Variants in POLRMT observed in about 807,000 individuals in gnomAD.
POLRMT encodes RNA polymerase mitochondrial.
POLRMT carries 114 observed loss-of-function variants against 132.2 expected under a neutral mutation model. The ratio of observed to expected loss-of-function variants is 0.86; its 90% CI spans 0.74 to 1.01. The LOEUF (loss-of-function observed/expected upper bound fraction) is 1.01, where lower values mean the gene tolerates loss of function less well. Among genes scored for constraint, POLRMT ranks in the 50% least tolerant of loss-of-function variants. The probability of loss-of-function intolerance (pLI) is 0.00; values close to 1 mark genes in which losing one functional copy is unlikely to be tolerated. For missense variants in POLRMT, 2,003 were observed against 1,729.1 expected (o/e 1.16, Z -2.81); for synonymous variants, 1,020 against 773.4 (o/e 1.32, Z -5.29).
Position 618,147 on chromosome 19 carries a change from C to G in POLRMT, c.3423-298G>C, listed in dbSNP as rs559017546. The G allele has an allele frequency of 1.2e-5, 7 of 565,056 alleles. No individual in the cohort carries two copies. The South Asian group carries it at 1.3e-4, about 10-fold the overall frequency. 35.0% of individuals were successfully genotyped at this position (565,056 alleles called of 1,614,324 possible). ...TCCCCTCCTGCCAGGGCCACCACCC[C>G]GCATCCTGAGCATTCCCAGCTCCCG... On this transcript the variant is annotated intron_variant, in intron 17 of 20. Coordinates refer to ENST00000588649, the MANE Select transcript of POLRMT (RefSeq NM_005035.4).
chr19:621,307 C>A lies in POLRMT; in HGVS notation c.2391G>T (p.Pro797=). Residue 797 remains proline, a synonymous_variant, in exon 10 of 21, where the codon CCG becomes CCT. Transcript: ENST00000588649. Reference sequence around the variant, plus strand: ...TGCGGCCGCGGAAGTCCATGTTGTGCGGCAGCCAGAAGACGCGGTCCCGCA... The same window carrying A: ...TGCGGCCGCGGAAGTCCATGTTGTGAGGCAGCCAGAAGACGCGGTCCCGCA... The part of the protein sequence containing the change: ...QHLRDRVFWL[P]HNMDFRGRTY... 6.3e-7 allele frequency: 1 copy of A among 1,599,954 alleles called. No homozygotes were observed. The highest frequency in any genetic ancestry group is 8.5e-7 in the Non-Finnish European group (1 of 1,177,052).
rs139012201 is a variant in POLRMT at position 631,632 on chromosome 19, C to T, written c.193+1202G>A. Among the ~76,000 whole-genome samples, 84 of 151,840 alleles carry T rather than the reference C, an allele frequency of 5.5e-4. No homozygotes were observed. The East Asian group carries it at 8.7e-3, about 16-fold the overall frequency. On this transcript the variant is annotated intron_variant, in intron 2 of 20. Transcript: ENST00000588649. ...CCAGCCTAGCAACAGATTGAGAATC[C>T]GTCTCAAGAAAAAAAAAATTGCTGA...
At position 619,849 on chromosome 19, in the gene POLRMT, G is replaced by A. The variant is rs555462288; in HGVS notation, c.2887-84C>T. 1,694 of 1,560,882 alleles carry A rather than the reference G, an allele frequency of 1.1e-3. 18 individuals are homozygous for A. The African/African-American group carries it at 0.02, about 18-fold the overall frequency. ...AAGCACCCATGAAGCCCCCGCCCCAGCCCCACCACATCCTCAGGACAGGCC... is the reference window on the plus strand; with the variant it reads ...AAGCACCCATGAAGCCCCCGCCCCAACCCCACCACATCCTCAGGACAGGCC... On this transcript the variant is annotated intron_variant, in intron 12 of 20. Transcript: ENST00000588649.
chr19:632,777 TC>T, intron 2 of POLRMT, 56 bp downstream of exon 2: 1 of 1,419,404 alleles, frequency 7.0e-7, no homozygotes. Context: ...TTGCCTTTTC[TC>T]CCGGCAGCAG....
intron 17 of POLRMT, chr19:618,284 G>A (rs936018660): frequency 2.3e-5 from 13 of 574,376 alleles, no homozygotes; most frequent in Non-Finnish European, 3.4e-5. Context: ...GGCTCTCCCT[G>A]TCGGGCCACA....
chr19:621,657 G>A lies in POLRMT; in HGVS notation c.2041C>T (p.Gln681Ter), dbSNP rs776192083. 56 of 1,540,882 alleles carry A rather than the reference G, an allele frequency of 3.6e-5. No homozygotes were observed. In the Admixed American group the frequency reaches 9.6e-4, roughly 26 times the overall value. The part of the protein sequence containing the change: ...MRTVEGATQH[Q>*]ELLETCPPTA... ...GGCGGGCAGGTTTCCAGCAGCTCCTGGTGCTGCGTGGCGCCTTCCACCGTG... is the reference window on the plus strand; with the variant it reads ...GGCGGGCAGGTTTCCAGCAGCTCCTAGTGCTGCGTGGCGCCTTCCACCGTG... The change falls in exon 10 of 21, where the codon CAG (glutamine) becomes TAG (stop). Residue 681 changes from glutamine to a stop codon, truncating the protein, a stop_gained. Transcript: ENST00000588649. LOFTEE classifies it high-confidence loss of function.
intron 12 of POLRMT, 57 bp downstream of exon 12, chr19:619,901 T>A (rs1984369292): frequency 1.0e-5 from 16 of 1,595,952 alleles, no homozygotes; most frequent in Middle Eastern, 2.2e-4. Context: ...GGGCCGAGAC[T>A]CAGGGCTCAC....
chr19:631,719 G>A (rs1985432382), intron 2 of POLRMT, among the ~76,000 whole-genome samples: 1 of 152,158 alleles, frequency 6.6e-6, no homozygotes, highest in African/African-American at 2.4e-5. Flanking sequence ...GATACTTTTA[G>A]GATTAACAGT....
intron 5 of POLRMT, 118 bp downstream of exon 5, chr19:624,601 G>C: frequency 8.5e-7 from 1 of 1,172,064 alleles, no homozygotes; most frequent in Non-Finnish European, 1.2e-6. Flanking sequence ...AGGAATTCAG[G>C]GCCCAGCCCA....
chr19:617,909 G>A (rs913592519), intron 17 of POLRMT, 60 bp from the exon 18 acceptor site: 41 of 1,505,096 alleles, frequency 2.7e-5, no homozygotes, highest in Admixed American at 8.5e-5. Context: ...CCAGTGACCA[G>A]CATCCTGGCC....
intron 2 of POLRMT, among the ~76,000 whole-genome samples, chr19:630,826 C>A (rs1400143336): frequency 6.6e-6 from 1 of 152,184 alleles, no homozygotes; most frequent in Non-Finnish European, 1.5e-5. Flanking sequence ...CCAATCAATG[C>A]CTAAGTGTTC....
intron 13 of POLRMT, 138 bp downstream of exon 13, chr19:619,448 G>A (rs905532655): frequency 1.2e-5 from 17 of 1,381,200 alleles, no homozygotes; most frequent in South Asian, 6.4e-5. Flanking sequence ...AGCAAGAAAC[G>A]CCCAAGCCCT....
At chr19:618,959 T>C (rs1568375104) in intron 15 of POLRMT, 38 bp downstream of exon 15, 8 of 1,485,918 alleles carry the variant, frequency 5.4e-6, no homozygotes, top group Non-Finnish European at 7.3e-6. Flanking sequence ...TACACTGGGA[T>C]GGTGGCACAC....
intron 17 of POLRMT, 96 bp downstream of exon 17, chr19:618,392 T>C (rs1984185886): frequency 2.1e-6 from 2 of 961,868 alleles, no homozygotes; most frequent in Admixed American, 5.1e-5. Context: ...GCCCAGTCCC[T>C]GCCCCCAGCT....
intron 16 of POLRMT, 21 bp from the exon 17 acceptor site, chr19:618,607 G>C (rs371095580): frequency 6.2e-7 from 1 of 1,603,068 alleles, no homozygotes. Context: ...AACAGGTGCC[G>C]GTGGGGGCGG....
intron 17 of POLRMT, 147 bp from the exon 18 acceptor site, chr19:617,996 C>G: frequency 1.5e-6 from 1 of 671,744 alleles, no homozygotes; most frequent in Non-Finnish European, 2.6e-6. Context: ...TCGCCCCGCC[C>G]CTCCCCAAAC....
chr19:623,752 A>C lies in POLRMT; in HGVS notation c.1141-149T>G. On this transcript the variant is annotated intron_variant, in intron 5 of 20. Coordinates refer to ENST00000588649, the MANE Select transcript of POLRMT (RefSeq NM_005035.4). ...ACGCGGGGAAAGGCGGGCTGCGGGTAAAGTCAGTGCCAGCAGTGCAAACCA... is the reference window on the plus strand; with the variant it reads ...ACGCGGGGAAAGGCGGGCTGCGGGTCAAGTCAGTGCCAGCAGTGCAAACCA... The C allele has an allele frequency of 7.0e-6, 7 of 998,046 alleles. No individual in the cohort carries two copies. In the South Asian group the frequency reaches 1.1e-4, roughly 16 times the overall value. The allele number at this position is 998,046 out of a possible 1,614,324, so 61.8% of individuals were successfully genotyped here.
At chr19:618,239 G>C (rs1239911073) in intron 17 of POLRMT, 2 of 553,138 alleles carry the variant, frequency 3.6e-6, no homozygotes, top group African/African-American at 1.9e-5. Context: ...GCGGTGCCAA[G>C]AAATGCCCAG....
At chr19:631,005 A>C in intron 2 of POLRMT, among the ~76,000 whole-genome samples, 1 of 151,852 alleles carries the variant, frequency 6.6e-6, no homozygotes. Flanking sequence ...TAGAAATCCA[A>C]AAAATTAGCT....
Sources: gnomAD v4.1 joint callset for allele counts (sites outside exome capture counted in the v4.1 genomes callset) on GRCh38, gnomAD v4.1.1 for gene constraint, MANE v1.5 for transcripts, NCBI Gene and HGNC (gene_info 2026-07-23, HGNC 2026-07-21) for gene names.